Variants in ARG2 observed in about 807,000 individuals in gnomAD.
The protein encoded by ARG2 is arginase-2, mitochondrial.
A neutral mutation model predicts 39.4 loss-of-function variants in ARG2; 21 were observed. The ratio of observed to expected loss-of-function variants is 0.53; its 90% CI spans 0.38 to 0.77. The LOEUF is 0.77. Among genes scored for constraint, ARG2 ranks in the 30% least tolerant of loss-of-function variants. The pLI is 0.00. For synonymous variants in ARG2, 150 were observed against 156.7 expected, an observed-to-expected ratio of 0.96 and a Z score of 0.32; for missense variants, 378 against 426.2, an observed-to-expected ratio of 0.89 and a Z score of 1.00.
At position 67,642,157 on chromosome 14, in the gene ARG2, T is replaced by C. The variant is rs559785692; in HGVS notation, c.185-29T>C. 43 of 1,608,272 alleles carry C rather than the reference T, an allele frequency of 2.7e-5. No homozygotes were observed. The East Asian group carries it at 9.6e-4, about 36-fold the overall frequency. On this transcript the variant is annotated intron_variant, in intron 2 of 7. Coordinates refer to ENST00000261783, the MANE Select transcript of ARG2 (RefSeq NM_001172.4). ...AAGAGTTGGAGATAGCACAGAAAAT[T>C]CATCTTGTCATCCCTCATTTGCTTC...
At chr14:67,647,544 G>A (rs1021725786) in intron 6 of ARG2, 3 of 155,596 alleles carry the variant, frequency 1.9e-5, no homozygotes, top group African/African-American at 7.2e-5. Context: ...GGACACTGGG[G>A]CTATAATGAA....
At chr14:67,628,662 A>G (rs551453523) in intron 2 of ARG2, among the ~76,000 whole-genome samples, 87 of 152,332 alleles carry the variant, frequency 5.7e-4, no homozygotes, top group African/African-American at 2.1e-3. Flanking sequence ...TCCCATTTTC[A>G]TAATTTGTAA....
At chr14:67,645,861 T>C (rs1430080627) in intron 4 of ARG2, 59 bp downstream of exon 4, 19 of 1,579,444 alleles carry the variant, frequency 1.2e-5, no homozygotes, top group Non-Finnish European at 1.5e-5. Context: ...CTGGAGTTGG[T>C]CTAGTTCAGT....
At chr14:67,646,842 A>G (rs2037105093) in intron 5 of ARG2, 79 bp from the exon 6 acceptor site, 1 of 1,389,230 alleles carries the variant, frequency 7.2e-7, no homozygotes. Context: ...ACTACAACAA[A>G]CCCACCCTCT....
At chr14:67,627,822 C>G (rs1012307739) in intron 2 of ARG2, among the ~76,000 whole-genome samples, 2 of 152,180 alleles carry the variant, frequency 1.3e-5, no homozygotes, top group Non-Finnish European at 2.9e-5. Flanking sequence ...AGTACAGCAC[C>G]TGTCCCATTT....
chr14:67,636,853 C>T (rs537122755), intron 2 of ARG2, among the ~76,000 whole-genome samples: 209 of 152,314 alleles, frequency 1.4e-3, no homozygotes, highest in African/African-American at 4.9e-3. Flanking sequence ...AAATTTCAGG[C>T]TCCTCTTGTC....
At chr14:67,645,297 C>T (rs778420389) in intron 3 of ARG2, among the ~76,000 whole-genome samples, 7 of 151,958 alleles carry the variant, frequency 4.6e-5, no homozygotes, top group Non-Finnish European at 8.8e-5. Flanking sequence ...TACAGGTGTA[C>T]ACCATCTTGT....
chr14:67,649,723 A>G (rs1271182680), intron 7 of ARG2: 3 of 152,188 alleles, frequency 2.0e-5, no homozygotes, highest in Non-Finnish European at 4.4e-5. Context: ...AACGGACATG[A>G]TGGCATTCAG....
intron 3 of ARG2, among the ~76,000 whole-genome samples, 174 bp from the exon 4 acceptor site, chr14:67,645,469 C>G (rs920696872): frequency 8.5e-5 from 13 of 152,298 alleles, no homozygotes; most frequent in African/African-American, 2.6e-4. Flanking sequence ...CTTTATCACT[C>G]AAGATTAATT....
intron 2 of ARG2, among the ~76,000 whole-genome samples, chr14:67,635,585 G>A (rs1056185874): frequency 2.0e-5 from 3 of 152,178 alleles, no homozygotes; most frequent in South Asian, 2.1e-4. Context: ...CGGGCACGGC[G>A]GCTCACACCT....
At chr14:67,636,712 G>A (rs1386849502) in intron 2 of ARG2, among the ~76,000 whole-genome samples, 3 of 152,238 alleles carry the variant, frequency 2.0e-5, no homozygotes, top group African/African-American at 7.2e-5. Flanking sequence ...AAAGATCAGA[G>A]TAGTACTCGG....
At position 67,650,807 on chromosome 14, in the gene ARG2, G is replaced by A. The variant is rs148319106; in HGVS notation, c.952G>A (p.Val318Met). 136 of 1,614,188 alleles carry A rather than the reference G, an allele frequency of 8.4e-5. No homozygotes were observed. In the African/African-American group the frequency reaches 1.6e-3, roughly 19 times the overall value. Residue 318 changes from valine to methionine, a missense_variant, in exon 8 of 8, where the codon GTG (valine) becomes ATG (methionine). By Grantham distance (21) the Val-to-Met change is conservative (BLOSUM62 1). Coordinates refer to ENST00000261783, the MANE Select transcript of ARG2 (RefSeq NM_001172.4). The part of the protein sequence containing the change: ...AKTTANLAVD[V>M]IASSFGQTRE... ...GACTACAGCTAACCTGGCAGTAGAT[G>A]TGATTGCTTCAAGCTTTGGTCAGAC... is the stretch of plus-strand genomic sequence containing the variant.
intron 5 of ARG2, 78 bp from the exon 6 acceptor site, chr14:67,646,842 AC>A: frequency 7.2e-7 from 1 of 1,389,226 alleles, no homozygotes; most frequent in Non-Finnish European, 1.0e-6. Context: ...ACTACAACAA[AC>A]CCACCCTCTC....
intron 7 of ARG2, chr14:67,648,959 G>T (rs1006621317): frequency 2.6e-5 from 4 of 152,200 alleles, no homozygotes; most frequent in South Asian, 2.1e-4. Context: ...AGCTGGGATA[G>T]AAACTCACAT....
At chr14:67,641,790 A>T (rs185154934) in intron 2 of ARG2, among the ~76,000 whole-genome samples, 26 of 152,172 alleles carry the variant, frequency 1.7e-4, no homozygotes. Context: ...AAGAAAGTTT[A>T]AAAAAATGAG....
chr14:67,628,240 G>C (rs2036887224), intron 2 of ARG2, among the ~76,000 whole-genome samples: 2 of 152,108 alleles, frequency 1.3e-5, no homozygotes, highest in Non-Finnish European at 1.5e-5. Flanking sequence ...TTATAGATAG[G>C]TCTCACTATG....
At chr14:67,621,028 T>C in intron 2 of ARG2, 62 bp downstream of exon 2, 1 of 1,477,108 alleles carries the variant, frequency 6.8e-7, no homozygotes, top group Admixed American at 1.7e-5. Flanking sequence ...CAGAGTCTTT[T>C]CTCTGACATC....
At chr14:67,635,932 A>G (rs927894382) in intron 2 of ARG2, among the ~76,000 whole-genome samples, 2 of 152,130 alleles carry the variant, frequency 1.3e-5, no homozygotes, top group African/African-American at 4.8e-5. Context: ...AAAATATTTG[A>G]GTCTGTAACT....
At chr14:67,622,733 T>C (rs1840445424) in intron 2 of ARG2, among the ~76,000 whole-genome samples, 1 of 152,228 alleles carries the variant, frequency 6.6e-6, no homozygotes, top group South Asian at 2.1e-4. Context: ...CCTGGAGACA[T>C]CTCTGCAGTC....
Sources: gnomAD v4.1 joint callset for allele counts (sites outside exome capture counted in the v4.1 genomes callset) on GRCh38, gnomAD v4.1.1 for gene constraint, MANE v1.5 for transcripts, NCBI Gene and HGNC (gene_info 2026-07-23, HGNC 2026-07-21) for gene names.